Variants in PACRG observed in about 807,000 individuals in gnomAD.
PACRG encodes parkin coregulated gene protein.
PACRG carries 29 observed loss-of-function variants against 29.7 expected under a neutral mutation model. The ratio of observed to expected loss-of-function variants is 0.98; its 90% CI spans 0.73 to 1.33. The LOEUF is 1.33. PACRG is among the 40% of genes most tolerant of loss of function. The pLI is 0.00. For missense variants in PACRG, 279 were observed against 316.2 expected (o/e 0.88, Z 0.89); for synonymous variants, 116 against 118.7 (o/e 0.98, Z 0.15).
intron 2 of PACRG, among the ~76,000 whole-genome samples, chr6:162,887,982 T>A (rs150529260): frequency 2.9e-3 from 439 of 152,268 alleles, no homozygotes; most frequent in Middle Eastern, 0.014. Flanking sequence ...AAGATCAAGT[T>A]CCCAGCAGGT....
chr6:162,837,516 A>G (rs1318931057), intron 2 of PACRG, among the ~76,000 whole-genome samples: 2 of 152,170 alleles, frequency 1.3e-5, no homozygotes, highest in East Asian at 3.9e-4. Context: ...AGATGCAAGT[A>G]ATCTATTTCT....
At chr6:163,286,964 A>T (rs1470241274) in intron 4 of PACRG, among the ~76,000 whole-genome samples, 2 of 151,062 alleles carry the variant, frequency 1.3e-5, no homozygotes, top group Non-Finnish European at 3.0e-5. Context: ...ATGTGTAGAT[A>T]TGTGTATATG....
chr6:162,925,403 C>T (rs924829779), intron 2 of PACRG, among the ~76,000 whole-genome samples: 3 of 152,094 alleles, frequency 2.0e-5, no homozygotes, highest in African/African-American at 7.2e-5. Flanking sequence ...AACGTTACTA[C>T]AAAAATCTTC....
At chr6:162,852,908 A>G (rs1045831953) in intron 2 of PACRG, among the ~76,000 whole-genome samples, 1 of 152,332 alleles carries the variant, frequency 6.6e-6, no homozygotes. Context: ...CTTGAAAGCC[A>G]AAAACTAGAA....
chr6:162,943,533 G>A, intron 2 of PACRG, among the ~76,000 whole-genome samples: 1 of 152,156 alleles, frequency 6.6e-6, no homozygotes, highest in East Asian at 1.9e-4. Context: ...GGGCCGCAGT[G>A]CAGCCGCTGG....
chr6:162,746,351 A>T (rs1246772965), intron 1 of PACRG, among the ~76,000 whole-genome samples: 1 of 152,186 alleles, frequency 6.6e-6, no homozygotes, highest in Non-Finnish European at 1.5e-5. Flanking sequence ...GAGCACAAAA[A>T]TTTTTTGAAT....
At chr6:162,971,634 T>C (rs6940654) in intron 2 of PACRG, among the ~76,000 whole-genome samples, 2,692 of 152,290 alleles carry the variant, frequency 0.018, 91 homozygotes, top group African/African-American at 0.061. Flanking sequence ...GGGGTAAATA[T>C]TTTACTAGAA....
intron 2 of PACRG, among the ~76,000 whole-genome samples, chr6:162,941,066 GTT>G (rs569732408): frequency 6.3e-4 from 95 of 151,788 alleles, no homozygotes; most frequent in African/African-American, 2.2e-3. Context: ...GTGTGTGTGT[GTT>G]TGTGTGTGTG....
chr6:162,981,905 ATTT>A lies in PACRG; in HGVS notation c.292-80229_292-80227del, dbSNP rs61345315. On this transcript the variant is annotated intron_variant, in intron 2 of 4. Transcript: ENST00000366888. ...CAGCTGTGAATCCATCTGGTCCTGG[ATTT>A]TTTTTTTTTTTTTTTGGTTGACAAA... 4.5e-3 allele frequency among the ~76,000 whole-genome samples: 561 copies of A among 124,172 alleles called. 5 individuals are homozygous for A. Among genetic ancestry groups the A allele is most frequent in the African/African-American group, 0.015 (539 of 36,772 alleles). 81.5% of individuals were successfully genotyped at this position (124,172 alleles called of 152,430 possible). A position where few individuals can be genotyped will look rare whatever the true frequency, so the allele number is the denominator to read the frequency against.
chr6:163,304,850 G>A (rs1362316556), intron 4 of PACRG, among the ~76,000 whole-genome samples: 1 of 152,162 alleles, frequency 6.6e-6, no homozygotes, highest in Admixed American at 6.5e-5. Context: ...AGACGACTGG[G>A]GTTTTGAATC....
At chr6:162,728,678 A>T (rs1779483441) in intron 1 of PACRG, among the ~76,000 whole-genome samples, 1 of 152,160 alleles carries the variant, frequency 6.6e-6, no homozygotes, top group African/African-American at 2.4e-5. Flanking sequence ...ACACGAGGAA[A>T]AAAGATCCCC....
At chr6:163,014,412 A>G (rs550454006) in intron 2 of PACRG, among the ~76,000 whole-genome samples, 1 of 152,270 alleles carries the variant, frequency 6.6e-6, no homozygotes, top group East Asian at 1.9e-4. Context: ...TCTGTTTTAA[A>G]TTCTTGGAAA....
intron 2 of PACRG, among the ~76,000 whole-genome samples, chr6:162,958,949 A>G (rs4709661): frequency 0.14 from 18,656 of 131,476 alleles, 2,444 homozygotes; most frequent in African/African-American, 0.34. Context: ...ATGAAATCTC[A>G]CTCCATCACC....
intron 4 of PACRG, among the ~76,000 whole-genome samples, chr6:163,265,718 C>T (rs116307249): frequency 0.011 from 1,707 of 152,316 alleles, 34 homozygotes; most frequent in African/African-American, 0.039. Flanking sequence ...GCAGTACCAA[C>T]TTTCCTACTT....
chr6:162,936,585 T>G (rs1261524619), intron 2 of PACRG, among the ~76,000 whole-genome samples: 5 of 152,108 alleles, frequency 3.3e-5, no homozygotes, highest in Admixed American at 1.3e-4. Flanking sequence ...TTGCAGAAAA[T>G]GTTACTATAT....
intron 4 of PACRG, among the ~76,000 whole-genome samples, chr6:163,252,106 G>A (rs915331534): frequency 2.0e-5 from 3 of 152,140 alleles, no homozygotes; most frequent in Admixed American, 1.3e-4. Flanking sequence ...ACCGCAAAAC[G>A]CTCCCACGTG....
chr6:162,776,952 G>A (rs571997427), intron 1 of PACRG, among the ~76,000 whole-genome samples: 1 of 152,158 alleles, frequency 6.6e-6, no homozygotes, highest in African/African-American at 2.4e-5. Flanking sequence ...GGGGGATGAG[G>A]GATAAAAGAC....
At chr6:163,219,666 C>T (rs1781497626) in intron 4 of PACRG, among the ~76,000 whole-genome samples, 1 of 141,128 alleles carries the variant, frequency 7.1e-6, no homozygotes, top group African/African-American at 2.9e-5. Context: ...TTCCCACCTG[C>T]CTCCTCCTGC....
At chr6:163,114,552 T>G (rs1345654915) in intron 4 of PACRG, among the ~76,000 whole-genome samples, 1 of 152,106 alleles carries the variant, frequency 6.6e-6, no homozygotes, top group Non-Finnish European at 1.5e-5. Flanking sequence ...CTATTTGGAG[T>G]GTCATGAATG....
Sources: allele counts gnomAD v4.1 joint callset (sites outside exome capture counted in the v4.1 genomes callset), GRCh38; gene constraint gnomAD v4.1.1; transcripts MANE v1.5; gene names NCBI Gene and HGNC (gene_info 2026-07-23, HGNC 2026-07-21).